The following GNG7 variants were observed in gnomAD, a reference collection of about 807,000 sequenced individuals.
The protein encoded by GNG7 is G protein subunit gamma 7, also known as guanine nucleotide-binding protein G(I)/G(S)/G(O) subunit gamma-7.
Under a neutral mutation model 4.0 loss-of-function variants are expected in GNG7, and 1 was observed. That is an observed-to-expected ratio of 0.25 (90% confidence interval 0.09 to 1.18). The LOEUF (loss-of-function observed/expected upper bound fraction) is 1.18, where lower values mean the gene tolerates loss of function less well. Among genes scored for constraint, GNG7 ranks in the 50% most tolerant of loss-of-function variants. The pLI is 0.50. For missense variants in GNG7, 86 were observed against 91.9 expected, an observed-to-expected ratio of 0.94 and a Z score of 0.26; for synonymous variants, 34 against 36.9, an observed-to-expected ratio of 0.92 and a Z score of 0.29.
At chr19:2,649,827 T>C (rs72978752) in intron 1 of GNG7, among the ~76,000 whole-genome samples, 25,063 of 152,086 alleles carry the variant, frequency 0.16, 2,159 homozygotes, top group Middle Eastern at 0.23. Context: ...TCCAGAACAT[T>C]CTCATCACCC....
chr19:2,624,633 C>A (rs376539053), intron 2 of GNG7, among the ~76,000 whole-genome samples: 17 of 152,220 alleles, frequency 1.1e-4, no homozygotes, highest in Non-Finnish European at 1.8e-4. Context: ...CCGGTGGTGC[C>A]ACAGCACAGC....
chr19:2,697,063 A>G (rs1913284802), intron 1 of GNG7, among the ~76,000 whole-genome samples: 2 of 151,706 alleles, frequency 1.3e-5, no homozygotes, highest in Admixed American at 1.3e-4. Flanking sequence ...CTGGTCTCGA[A>G]CTCCTGACCT....
At chr19:2,566,501 C>T (rs1329002792) in intron 2 of GNG7, among the ~76,000 whole-genome samples, 1 of 152,150 alleles carries the variant, frequency 6.6e-6, no homozygotes, top group Non-Finnish European at 1.5e-5. Context: ...TCACACAAAG[C>T]CCTAAAAGGC....
chr19:2,520,747 G>T, intron 3 of GNG7, 22 bp from the exon 4 acceptor site: 2 of 1,057,496 alleles, frequency 1.9e-6, no homozygotes, highest in Non-Finnish European at 2.9e-6. Context: ...GCAGAGGGGT[G>T]TGGGTCAAAG....
In GNG7 at chr19:2,663,137, A is replaced by G. The variant is rs140690821; in HGVS notation, c.-134-16857T>C. Among the ~76,000 whole-genome samples, 1,260 of 152,282 alleles carry G rather than the reference A, an allele frequency of 8.3e-3. 6 individuals carry two copies. Among genetic ancestry groups the G allele is most frequent in the Middle Eastern group, 0.031 (9 of 294 alleles). ...TGATAGATAACTGGTACATCTGCAAAGGGAAGGAAGGGCTGATCCACATGA... is the reference window on the plus strand; with the variant it reads ...TGATAGATAACTGGTACATCTGCAAGGGGAAGGAAGGGCTGATCCACATGA... On this transcript the variant is annotated intron_variant, in intron 1 of 4. Transcript: ENST00000382159.
intron 1 of GNG7, among the ~76,000 whole-genome samples, chr19:2,684,288 C>G (rs577690519): frequency 8.6e-5 from 13 of 152,028 alleles, no homozygotes; most frequent in African/African-American, 3.1e-4. Context: ...AGGGGTCCGC[C>G]ACCACGCCCG....
chr19:2,612,320 C>G (rs1213589033), intron 2 of GNG7, among the ~76,000 whole-genome samples: 1 of 152,128 alleles, frequency 6.6e-6, no homozygotes, highest in Admixed American at 6.5e-5. Context: ...CAGGAGCATC[C>G]CAGTTGTGAT....
chr19:2,594,354 G>A (rs11084945), intron 2 of GNG7, among the ~76,000 whole-genome samples: 83,579 of 150,194 alleles, frequency 0.56, 23,783 homozygotes, highest in East Asian at 0.77. Flanking sequence ...CAGCCTAGGC[G>A]ACAGAGTGAG....
At chr19:2,683,428 T>TC (rs1983792991) in intron 1 of GNG7, 1 of 152,018 alleles carries the variant, frequency 6.6e-6, no homozygotes, top group Non-Finnish European at 1.5e-5. Flanking sequence ...AAGACTATTT[T>TC]CCCCGGAATA....
chr19:2,604,871 G>C (rs1407640974), intron 2 of GNG7, among the ~76,000 whole-genome samples: 1 of 152,176 alleles, frequency 6.6e-6, no homozygotes, highest in African/African-American at 2.4e-5. Flanking sequence ...TTAGGCCCAA[G>C]AAACCACCTG....
In GNG7 at chr19:2,609,433, C is replaced by T. The variant is rs941609242; in HGVS notation, c.-78+36791G>A. ...ATACATTGCTTGCCTGACCCTGGTC[C>T]TGCCCTGGGATTTGGGAGCCGACAG... On this transcript the variant is annotated intron_variant, in intron 2 of 4. Coordinates refer to ENST00000382159, the MANE Select transcript of GNG7 (RefSeq NM_052847.3). This position sits in a 1 kb window ranked among gnomAD's most constrained non-coding sequence, Gnocchi z 4.4. Among the ~76,000 whole-genome samples the T allele has an allele frequency of 6.6e-6, 1 of 152,126 alleles. No homozygotes were observed. Among genetic ancestry groups the T allele is most frequent in the East Asian group, 1.9e-4 (1 of 5,200 alleles).
intron 2 of GNG7, among the ~76,000 whole-genome samples, chr19:2,560,192 C>T (rs1599391311): frequency 6.6e-6 from 1 of 152,020 alleles, no homozygotes; most frequent in Non-Finnish European, 1.5e-5. Flanking sequence ...CAAATACACA[C>T]CAAGCCGGCG....
Position 2,626,804 on chromosome 19 carries a change from C to A in GNG7, c.-78+19420G>T, listed in dbSNP as rs1039991875. On this transcript the variant is annotated intron_variant, in intron 2 of 4. Coordinates refer to ENST00000382159, the MANE Select transcript of GNG7 (RefSeq NM_052847.3). This position sits in a 1 kb window ranked among gnomAD's most constrained non-coding sequence, Gnocchi z 5.0. ...TTCCCTGACTAATATTCCCTCACAT[C>A]GGTCCATGCTCCTGGCATGGAGTGG... Among the ~76,000 whole-genome samples the A allele has an allele frequency of 6.6e-6, 1 of 152,136 alleles. No individual in the cohort carries two copies. The highest frequency in any genetic ancestry group is 1.5e-5 in the Non-Finnish European group (1 of 68,022).
chr19:2,577,626 A>C (rs867964324), intron 2 of GNG7, among the ~76,000 whole-genome samples: 5 of 150,902 alleles, frequency 3.3e-5, no homozygotes, highest in Admixed American at 1.3e-4. Context: ...GCTTTAAGCC[A>C]GGAGGCGGAG....
chr19:2,602,193 C>T (rs553877004), intron 2 of GNG7, among the ~76,000 whole-genome samples: 106 of 152,244 alleles, frequency 7.0e-4, no homozygotes, highest in African/African-American at 2.3e-3. Flanking sequence ...AAAAATTAGC[C>T]GGGCGTGGTG....
intron 2 of GNG7, among the ~76,000 whole-genome samples, chr19:2,602,519 C>A (rs1186182176): frequency 6.6e-6 from 1 of 152,222 alleles, no homozygotes; most frequent in Non-Finnish European, 1.5e-5. Context: ...CAGGTTCTGC[C>A]AGCTCCTCCC....
intron 2 of GNG7, among the ~76,000 whole-genome samples, chr19:2,588,578 G>A (rs956415150): frequency 1.3e-5 from 2 of 152,214 alleles, no homozygotes; most frequent in Admixed American, 6.5e-5. Context: ...ACTTTCTCCC[G>A]TCAGTCAGGG....
At chr19:2,662,188 G>A (rs544312587) in intron 1 of GNG7, among the ~76,000 whole-genome samples, 1 of 151,586 alleles carries the variant, frequency 6.6e-6, no homozygotes, top group Admixed American at 6.6e-5. Flanking sequence ...TGAACCTGGG[G>A]GGCGGAGGCT....
intron 1 of GNG7, among the ~76,000 whole-genome samples, chr19:2,678,122 G>A (rs531441218): frequency 3.0e-4 from 46 of 152,274 alleles, no homozygotes; most frequent in African/African-American, 1.0e-3. Context: ...AGAACACCAG[G>A]CATCCAGACC....
Sources: gnomAD v4.1 joint callset for allele counts (sites outside exome capture counted in the v4.1 genomes callset) on GRCh38, gnomAD v4.1.1 for gene constraint, Gnocchi (gnomAD v3.1) non-coding constraint, MANE v1.5 for transcripts, NCBI Gene and HGNC (gene_info 2026-07-23, HGNC 2026-07-21) for gene names.